Variants in MBTD1 observed in about 807,000 individuals in gnomAD.
The protein encoded by MBTD1 is mbt domain containing 1, also known as MBT domain-containing protein 1.
In MBTD1, 24 loss-of-function variants were observed where a neutral mutation model predicts 87.8. The ratio of observed to expected loss-of-function variants is 0.27; its 90% CI spans 0.20 to 0.38. The LOEUF is 0.38. Among genes scored for constraint, MBTD1 ranks in the 10% least tolerant of loss-of-function variants. The probability of loss-of-function intolerance (pLI) is 1.00; values close to 1 mark genes in which losing one functional copy is unlikely to be tolerated. For missense variants in MBTD1, 436 were observed against 760.2 expected (o/e 0.57, Z 5.02); for synonymous variants, 237 against 248.6 (o/e 0.95, Z 0.44).
In MBTD1 at chr17:51,177,794, T is replaced by G. The variant is rs760452287; in HGVS notation, c.*2782A>C. ...GATGCTTTTCTTTTGTATAAATGAC[T>G]GTGGCTTTATTTAAAATATGAAAAT... On this transcript the variant is annotated 3_prime_UTR_variant, in exon 17 of 17. Coordinates refer to ENST00000586178, the MANE Select transcript of MBTD1 (RefSeq NM_017643.3). 2 of 152,214 alleles carry G rather than the reference T, an allele frequency of 1.3e-5. No individual in the cohort carries two copies. The highest frequency in any genetic ancestry group is 6.5e-5 in the Admixed American group (1 of 15,274). The allele number at this position is 152,214 out of a possible 1,614,324, so 9.4% of individuals were successfully genotyped here. A position where few individuals can be genotyped will look rare whatever the true frequency, so the allele number is the denominator to read the frequency against.
chr17:51,199,296 C>T (rs1188155812), intron 12 of MBTD1, among the ~76,000 whole-genome samples: 2 of 151,976 alleles, frequency 1.3e-5, no homozygotes, highest in Non-Finnish European at 2.9e-5. Context: ...TCATGTTGAC[C>T]AGGCTGGTCT....
intron 3 of MBTD1, among the ~76,000 whole-genome samples, chr17:51,221,490 A>G (rs867110920): frequency 7.9e-5 from 12 of 152,248 alleles, no homozygotes; most frequent in African/African-American, 2.4e-4. Flanking sequence ...ACAAAAAGTA[A>G]CATAGCAAAT....
intron 2 of MBTD1, among the ~76,000 whole-genome samples, chr17:51,253,196 G>C (rs2054896855): frequency 6.6e-6 from 1 of 152,138 alleles, no homozygotes; most frequent in Admixed American, 6.5e-5. Flanking sequence ...GGGAAAAACA[G>C]TGCTCATATA....
chr17:51,228,019 TAGGAG>T (rs1371668049), intron 2 of MBTD1, among the ~76,000 whole-genome samples: 1 of 152,018 alleles, frequency 6.6e-6, no homozygotes, highest in Non-Finnish European at 1.5e-5. Flanking sequence ...TCAGAAATTG[TAGGAG>T]ATAATATTTC....
At chr17:51,203,700 A>G (rs771656475) in intron 8 of MBTD1, 91 bp downstream of exon 8, 5 of 1,423,306 alleles carry the variant, frequency 3.5e-6, no homozygotes, top group Non-Finnish European at 4.8e-6. Flanking sequence ...CCCGGCCTTT[A>G]ATTTCCATAT....
At chr17:51,260,588 C>T (rs1317778586), upstream of MBTD1, 2 of 1,611,650 alleles carry the variant, frequency 1.2e-6, no homozygotes, top group Admixed American at 1.7e-5. Context: ...CCTAACGATG[C>T]CGCCGGAGCG....
At chr17:51,195,457 T>C in intron 12 of MBTD1, 96 bp from the exon 13 acceptor site, 1 of 960,240 alleles carries the variant, frequency 1.0e-6, no homozygotes, top group African/African-American at 1.7e-5. Context: ...ATCTATTATA[T>C]AAAGGTCTCT....
At chr17:51,250,854 C>G (rs1244991754) in intron 2 of MBTD1, 1 of 152,120 alleles carries the variant, frequency 6.6e-6, no homozygotes, top group Non-Finnish European at 1.5e-5. Flanking sequence ...GGTCAATTTT[C>G]AAAACAAAAA....
intron 2 of MBTD1, among the ~76,000 whole-genome samples, chr17:51,254,756 T>C (rs1358859010): frequency 1.3e-5 from 2 of 152,220 alleles, no homozygotes; most frequent in African/African-American, 2.4e-5. Flanking sequence ...TTCACATGAA[T>C]AGGCTTTCAG....
intron 10 of MBTD1, 117 bp downstream of exon 10, chr17:51,202,584 A>G: frequency 1.3e-6 from 1 of 759,714 alleles, no homozygotes; most frequent in Non-Finnish European, 2.2e-6. Context: ...TAGAAGAAGC[A>G]GCCCAAACAA....
intron 14 of MBTD1, 105 bp from the exon 15 acceptor site, chr17:51,193,121 AATTATAAACCAT>A: frequency 1.3e-6 from 1 of 747,602 alleles, no homozygotes; most frequent in South Asian, 1.8e-5. Flanking sequence ...TAAATAACAT[AATTATAAACCAT>A]AAATTCCAAA....
At chr17:51,211,510 A>AG (rs2052215458) in intron 6 of MBTD1, among the ~76,000 whole-genome samples, 1 of 151,538 alleles carries the variant, frequency 6.6e-6, no homozygotes, top group South Asian at 2.1e-4. Context: ...TGTTTAAAAA[A>AG]AAAAAAAAAA....
intron 2 of MBTD1, among the ~76,000 whole-genome samples, chr17:51,253,705 T>TA (rs1294427811): frequency 2.0e-5 from 3 of 152,074 alleles, no homozygotes; most frequent in African/African-American, 7.2e-5. Flanking sequence ...ACTTCTATAA[T>TA]AAAAAATAAA....
intron 2 of MBTD1, among the ~76,000 whole-genome samples, chr17:51,225,518 A>C (rs1319859776): frequency 7.0e-6 from 1 of 143,876 alleles, no homozygotes; most frequent in Non-Finnish European, 1.5e-5. Flanking sequence ...TCCCATAAAC[A>C]TTTTTGTGTT....
At chr17:51,247,534 C>T (rs919225339) in intron 2 of MBTD1, among the ~76,000 whole-genome samples, 3 of 149,368 alleles carry the variant, frequency 2.0e-5, no homozygotes, top group Non-Finnish European at 4.4e-5. Flanking sequence ...GCAGCCTCAA[C>T]ACCCCTTGGG....
intron 13 of MBTD1, among the ~76,000 whole-genome samples, chr17:51,194,463 G>C (rs963280010): frequency 4.7e-5 from 7 of 150,168 alleles, no homozygotes; most frequent in Admixed American, 3.4e-4. Context: ...CCAGCTACTT[G>C]GGAGAGGAGG....
chr17:51,259,690 AG>A (rs2055347418), intron 1 of MBTD1, 144 bp downstream of exon 1: 1 of 581,040 alleles, frequency 1.7e-6, no homozygotes, highest in Non-Finnish European at 2.4e-6. Context: ...TGGAAGGGGG[AG>A]GGGGGCTCCG....
At chr17:51,201,104 A>G (rs1397438398) in intron 12 of MBTD1, among the ~76,000 whole-genome samples, 1 of 152,092 alleles carries the variant, frequency 6.6e-6, no homozygotes, top group East Asian at 1.9e-4. Flanking sequence ...ACTCCAACCT[A>G]GGCGACAGAG....
At chr17:51,242,588 T>C (rs2054218624) in intron 2 of MBTD1, among the ~76,000 whole-genome samples, 1 of 152,182 alleles carries the variant, frequency 6.6e-6, no homozygotes, top group Admixed American at 6.5e-5. Context: ...GTCTCCTCCA[T>C]CATCCTTATT....
Sources: allele counts gnomAD v4.1 joint callset (sites outside exome capture counted in the v4.1 genomes callset), GRCh38; gene constraint gnomAD v4.1.1; transcripts MANE v1.5; gene names NCBI Gene and HGNC (gene_info 2026-07-23, HGNC 2026-07-21).